Variants in TAFA4 observed in about 807,000 individuals in gnomAD.
TAFA4 encodes the protein TAFA chemokine like family member 4, also known as chemokine-like protein TAFA-4.
TAFA4 carries 20 observed loss-of-function variants against 21.1 expected under a neutral mutation model. The observed-to-expected ratio is 0.95, with a 90% CI of 0.67 to 1.38. TAFA4 has a LOEUF of 1.38. Among genes scored for constraint, TAFA4 ranks in the 40% most tolerant of loss-of-function variants. The pLI, the probability that TAFA4 is intolerant of heterozygous loss-of-function variation, is 0.00. For synonymous variants in TAFA4, 71 were observed against 67.4 expected (o/e 1.05, Z -0.26); for missense variants, 211 against 180.9 (o/e 1.17, Z -0.95).
At chr3:68,755,954 G>A (rs1409107794) in intron 3 of TAFA4, among the ~76,000 whole-genome samples, 2 of 152,198 alleles carry the variant, frequency 1.3e-5, no homozygotes, top group Admixed American at 6.5e-5. Flanking sequence ...GCAGCCCTAT[G>A]CAGAGGACTA....
At chr3:68,784,787 T>C (rs1318323542) in intron 3 of TAFA4, among the ~76,000 whole-genome samples, 40 of 152,206 alleles carry the variant, frequency 2.6e-4, no homozygotes, top group Non-Finnish European at 3.7e-4. Context: ...GCCCAGTGGT[T>C]CTGTTTTGAC....
At chr3:68,869,927 T>C (rs992615938) in intron 3 of TAFA4, among the ~76,000 whole-genome samples, 1 of 152,096 alleles carries the variant, frequency 6.6e-6, no homozygotes. Flanking sequence ...TCATTCTTGT[T>C]CATAGATGAC....
chr3:68,929,161 C>T (rs1373974172), intron 1 of TAFA4, among the ~76,000 whole-genome samples: 2 of 152,146 alleles, frequency 1.3e-5, no homozygotes, highest in Non-Finnish European at 2.9e-5. Context: ...TGAGGCATTA[C>T]AAAGTGCAGT....
chr3:68,925,030 C>T (rs770363467), intron 1 of TAFA4, among the ~76,000 whole-genome samples: 18 of 152,210 alleles, frequency 1.2e-4, no homozygotes, highest in Admixed American at 2.6e-4. Context: ...AAGGGGCAGA[C>T]TCACAGCCAT....
intron 4 of TAFA4, among the ~76,000 whole-genome samples, chr3:68,747,129 G>A (rs886808011): frequency 4.6e-5 from 7 of 152,150 alleles, no homozygotes; most frequent in Non-Finnish European, 7.3e-5. Context: ...TCTTACTTAC[G>A]AAAATAATTC....
chr3:68,838,915 G>A (rs1226708415), intron 3 of TAFA4, among the ~76,000 whole-genome samples: 7 of 152,046 alleles, frequency 4.6e-5, no homozygotes, highest in Admixed American at 1.3e-4. Context: ...TGGGCAACAT[G>A]GTGAAACCCC....
At chr3:68,860,609 C>G (rs888145749) in intron 3 of TAFA4, among the ~76,000 whole-genome samples, 2 of 152,050 alleles carry the variant, frequency 1.3e-5, no homozygotes, top group East Asian at 1.9e-4. Flanking sequence ...ACAAATAATG[C>G]TTTTGTAAAT....
At chr3:68,896,483 G>T (rs1420782707) in intron 1 of TAFA4, among the ~76,000 whole-genome samples, 1 of 152,206 alleles carries the variant, frequency 6.6e-6, no homozygotes, top group African/African-American at 2.4e-5. Flanking sequence ...GTCTGTGAAT[G>T]AATGAATGCT....
chr3:68,779,467 G>A (rs1336760468), intron 3 of TAFA4, among the ~76,000 whole-genome samples: 1 of 152,092 alleles, frequency 6.6e-6, no homozygotes, highest in Non-Finnish European at 1.5e-5. Context: ...AGGTTTAGGA[G>A]GAAAAAATGG....
intron 1 of TAFA4, among the ~76,000 whole-genome samples, chr3:68,890,066 A>T (rs558827652): frequency 3.9e-5 from 6 of 152,354 alleles, no homozygotes; most frequent in African/African-American, 1.4e-4. Flanking sequence ...AAGAAAATGC[A>T]CTTGTTATTA....
intron 3 of TAFA4, among the ~76,000 whole-genome samples, chr3:68,840,428 G>A (rs1704634223): frequency 6.6e-6 from 1 of 152,040 alleles, no homozygotes; most frequent in South Asian, 2.1e-4. Flanking sequence ...TGTTGCCCAG[G>A]CTAGTCTCGA....
intron 3 of TAFA4, among the ~76,000 whole-genome samples, chr3:68,754,916 C>T (rs1393296343): frequency 6.6e-6 from 1 of 152,174 alleles, no homozygotes; most frequent in Non-Finnish European, 1.5e-5. Flanking sequence ...CCTTCTGACC[C>T]TCAAGATGTT....
At chr3:68,912,572 G>C (rs890037906) in intron 1 of TAFA4, among the ~76,000 whole-genome samples, 3 of 152,306 alleles carry the variant, frequency 2.0e-5, no homozygotes, top group East Asian at 1.9e-4. Context: ...GCGAGCGAGC[G>C]GCATGCCGTT....
intron 3 of TAFA4, among the ~76,000 whole-genome samples, chr3:68,827,095 C>G (rs1014184930): frequency 8.0e-6 from 1 of 125,562 alleles, no homozygotes; most frequent in Non-Finnish European, 1.6e-5. Flanking sequence ...TCCATGTGTT[C>G]TCATTATTCA....
chr3:68,870,546 C>T (rs2089470173), intron 3 of TAFA4, among the ~76,000 whole-genome samples: 2 of 152,032 alleles, frequency 1.3e-5, no homozygotes, highest in South Asian at 4.1e-4. Flanking sequence ...AGAAATAAAT[C>T]CACACATTTA....
chr3:68,844,879 G>C (rs897670125), intron 3 of TAFA4, among the ~76,000 whole-genome samples: 3 of 152,216 alleles, frequency 2.0e-5, no homozygotes, highest in African/African-American at 7.2e-5. Context: ...TGTGGTCTGA[G>C]AGAATGTTTG....
At chr3:68,811,559 G>A (rs1213996178) in intron 3 of TAFA4, among the ~76,000 whole-genome samples, 2 of 152,146 alleles carry the variant, frequency 1.3e-5, no homozygotes, top group East Asian at 1.9e-4. Flanking sequence ...CAATCAACTG[G>A]AAGAAAGGGT....
intron 3 of TAFA4, among the ~76,000 whole-genome samples, chr3:68,759,816 TC>T (rs945975839): frequency 3.3e-5 from 5 of 152,074 alleles, no homozygotes; most frequent in African/African-American, 1.2e-4. Context: ...CAAAACACTG[TC>T]CCCTTCATGC....
intron 5 of TAFA4, among the ~76,000 whole-genome samples, chr3:68,733,938 T>G (rs576999658): frequency 6.6e-6 from 1 of 152,062 alleles, no homozygotes; most frequent in Admixed American, 6.6e-5. Context: ...GCTGGGTAAC[T>G]ACAGCAAACT....
Sources: gnomAD v4.1 joint callset for allele counts (sites outside exome capture counted in the v4.1 genomes callset) on GRCh38, gnomAD v4.1.1 for gene constraint, MANE v1.5 for transcripts, NCBI Gene and HGNC (gene_info 2026-07-23, HGNC 2026-07-21) for gene names.